Variants in DYNC2LI1 observed in about 807,000 individuals in gnomAD.
DYNC2LI1 encodes dynein cytoplasmic 2 light intermediate chain 1, also known as cytoplasmic dynein 2 light intermediate chain 1.
DYNC2LI1 carries 45 observed loss-of-function variants against 51.9 expected under a neutral mutation model. The ratio of observed to expected loss-of-function variants is 0.87; its 90% CI spans 0.68 to 1.11. The LOEUF (loss-of-function observed/expected upper bound fraction) is 1.11. Ranked by LOEUF, DYNC2LI1 falls within the 50% of genes most tolerant of loss-of-function variation. The pLI, the probability that DYNC2LI1 is intolerant of heterozygous loss-of-function variation, is 0.00. For synonymous variants in DYNC2LI1, 130 were observed against 137.8 expected (o/e 0.94, Z 0.40); for missense variants, 490 against 417.4 (o/e 1.17, Z -1.51).
At position 43,774,044 on chromosome 2, in the gene DYNC2LI1, G is replaced by C. The variant is rs111533909; in HGVS notation, c.-95G>C. On this transcript the variant is annotated 5_prime_UTR_variant, in exon 1 of 13. Transcript: ENST00000260605. ...CGTCGCTCCCATGGCAACCCAGAAG[G>C]CCTCACTCCCAGACTCCTTGCGGAG... 58 of 1,543,744 alleles carry C rather than the reference G, an allele frequency of 3.8e-5. No homozygotes were observed. The African/African-American group carries it at 5.5e-4, about 15-fold the overall frequency.
At chr2:43,794,744 A>T in intron 6 of DYNC2LI1, 101 bp downstream of exon 6, 1 of 1,594,100 alleles carries the variant, frequency 6.3e-7, no homozygotes, top group Non-Finnish European at 8.6e-7. Context: ...ATGACTTGAA[A>T]TTCATTTGAT....
intron 3 of DYNC2LI1, among the ~76,000 whole-genome samples, chr2:43,785,551 T>C (rs1673486757): frequency 6.6e-6 from 1 of 151,844 alleles, no homozygotes; most frequent in Non-Finnish European, 1.5e-5. Context: ...CTGGCCAACA[T>C]AGTGAAACCT....
chr2:43,823,051 G>C, the DYNC2LI1 span: 1 of 1,420,120 alleles, frequency 7.0e-7, no homozygotes, highest in African/African-American at 1.4e-5. Flanking sequence ...CCAGCTAGGG[G>C]GGTTCCCTAG....
At chr2:43,790,924 A>G (rs1572706009) in intron 5 of DYNC2LI1, among the ~76,000 whole-genome samples, 1 of 152,260 alleles carries the variant, frequency 6.6e-6, no homozygotes, top group East Asian at 1.9e-4. Flanking sequence ...TTGAGAAGAG[A>G]TGGTGAGGGG....
At chr2:43,798,714 C>G (rs1169888269) in intron 8 of DYNC2LI1, among the ~76,000 whole-genome samples, 1 of 152,196 alleles carries the variant, frequency 6.6e-6, no homozygotes, top group East Asian at 1.9e-4. Flanking sequence ...GGCTTCATCT[C>G]AGCTTTTAAT....
In DYNC2LI1 at chr2:43,809,987, G is replaced by T. The variant is rs1345535566; in HGVS notation, c.*220G>T. The T allele has an allele frequency of 1.6e-6, 2 of 1,225,918 alleles. No homozygotes were observed. Among genetic ancestry groups the T allele is most frequent in the Non-Finnish European group, 2.1e-6 (2 of 958,716 alleles). The allele number at this position is 1,225,918 out of a possible 1,614,324, so 75.9% of individuals were successfully genotyped here. A position where few individuals can be genotyped will look rare whatever the true frequency, so the allele number is the denominator to read the frequency against. The stretch of plus-strand genomic sequence containing the variant: ...ACGTGTAATTTTTTTTAAAATAAAA[G>T]AATCTTCTACTACCTACCTCTAACA... On this transcript the variant is annotated 3_prime_UTR_variant, in exon 13 of 13. Coordinates refer to ENST00000260605, the MANE Select transcript of DYNC2LI1 (RefSeq NM_016008.4).
chr2:43,824,246 A>G, the DYNC2LI1 span: 1 of 1,614,016 alleles, frequency 6.2e-7, no homozygotes, highest in Admixed American at 1.7e-5. Flanking sequence ...TTTAGAGAAA[A>G]CTCCAGGAGA....
At chr2:43,777,777 T>A (rs988875814) in intron 2 of DYNC2LI1, among the ~76,000 whole-genome samples, 2 of 152,246 alleles carry the variant, frequency 1.3e-5, no homozygotes, top group African/African-American at 4.8e-5. Flanking sequence ...AGGCCCTCTC[T>A]GCACAACCGG....
At chr2:43,824,492 A>T in the DYNC2LI1 span, 72 of 1,603,228 alleles carry the variant, frequency 4.5e-5, no homozygotes, top group Non-Finnish European at 6.0e-5. Flanking sequence ...ATGTACATGG[A>T]TATACAATTG....
chr2:43,814,049 T>C (rs1194782451), downstream of DYNC2LI1, among the ~76,000 whole-genome samples: 1 of 152,130 alleles, frequency 6.6e-6, no homozygotes, highest in African/African-American at 2.4e-5. Context: ...GAGGTCCTTG[T>C]CTTGGTTCTA....
At chr2:43,805,013 C>T (rs1666198667) in intron 11 of DYNC2LI1, 141 bp from the exon 12 acceptor site, 1 of 576,412 alleles carries the variant, frequency 1.7e-6, no homozygotes, top group East Asian at 3.0e-5. Context: ...AAGTGGGCCT[C>T]AGTGGTGATG....
At chr2:43,789,607 A>G (rs1167395971) in intron 4 of DYNC2LI1, 26 bp from the exon 5 acceptor site, 1 of 1,607,014 alleles carries the variant, frequency 6.2e-7, no homozygotes, top group Non-Finnish European at 8.5e-7. Context: ...TTAAACTTCA[A>G]AAAATCAAAA....
At chr2:43,822,088 A>G in the DYNC2LI1 span, among the ~76,000 whole-genome samples, 1 of 152,056 alleles carries the variant, frequency 6.6e-6, no homozygotes. Flanking sequence ...CATTTTTTGA[A>G]CTTGATCATC....
At chr2:43,806,027 C>T (rs1188553010) in intron 12 of DYNC2LI1, among the ~76,000 whole-genome samples, 12 of 152,002 alleles carry the variant, frequency 7.9e-5, no homozygotes, top group African/African-American at 2.9e-4. Flanking sequence ...ATTACAGGTG[C>T]CTGCCACCAC....
chr2:43,790,115 C>T (rs1673706459), intron 5 of DYNC2LI1, among the ~76,000 whole-genome samples: 1 of 152,056 alleles, frequency 6.6e-6, no homozygotes, highest in Non-Finnish European at 1.5e-5. Flanking sequence ...TTATAAGCTA[C>T]CTTTGAATTT....
At chr2:43,827,940 G>T in the DYNC2LI1 span, 1 of 1,612,104 alleles carries the variant, frequency 6.2e-7, no homozygotes, top group Non-Finnish European at 8.5e-7. Flanking sequence ...ACACACAGAA[G>T]ATGCCCAGAC....
At chr2:43,820,041 GC>G in the DYNC2LI1 span, 1 of 1,614,160 alleles carries the variant, frequency 6.2e-7, no homozygotes, top group Non-Finnish European at 8.5e-7. Context: ...TAAGTGGGGG[GC>G]CAAGAGAGCA....
rs373462287 is a variant in DYNC2LI1, at chr2:43,774,074, C to G, written c.-65C>G. 6.2e-7 allele frequency: 1 copy of G among 1,606,104 alleles called. No individual in the cohort carries two copies. The highest frequency in any genetic ancestry group is 8.5e-7 in the Non-Finnish European group (1 of 1,176,222). On this transcript the variant is annotated 5_prime_UTR_variant, in exon 1 of 13. Transcript: ENST00000260605. ...ACTCCCAGACTCCTTGCGGAGCTCG[C>G]CGCCTGATTCTAGGCTGGTCACTAC... is the stretch of plus-strand genomic sequence containing the variant.
chr2:43,819,087 C>T, the DYNC2LI1 span, among the ~76,000 whole-genome samples: 268 of 152,180 alleles, frequency 1.8e-3, no homozygotes, highest in Non-Finnish European at 2.7e-3. Flanking sequence ...CACACATATA[C>T]TTTTATATAG....
Sources: allele counts gnomAD v4.1 joint callset (sites outside exome capture counted in the v4.1 genomes callset), GRCh38; gene constraint gnomAD v4.1.1; transcripts MANE v1.5; gene names NCBI Gene and HGNC (gene_info 2026-07-23, HGNC 2026-07-21).